Variants in NGEF observed in about 807,000 individuals in gnomAD.
The protein encoded by NGEF is neuronal guanine nucleotide exchange factor, also known as ephexin-1.
A neutral mutation model predicts 80.9 loss-of-function variants in NGEF; 31 were observed. The ratio of observed to expected loss-of-function variants is 0.38; its 90% CI spans 0.29 to 0.52. The LOEUF (loss-of-function observed/expected upper bound fraction) is 0.52, where lower values mean the gene tolerates loss of function less well. Ranked by LOEUF, NGEF falls within the 20% of genes least tolerant of loss-of-function variation. NGEF has a pLI of 0.84. For missense variants in NGEF, 709 were observed against 926.2 expected (o/e 0.77, Z 3.04); for synonymous variants, 371 against 370.2 (o/e 1.00, Z -0.03).
intron 3 of NGEF, among the ~76,000 whole-genome samples, chr2:232,965,711 C>T (rs1694043978): frequency 1.3e-5 from 2 of 152,210 alleles, no homozygotes; most frequent in South Asian, 4.1e-4. Flanking sequence ...AATGTCTCCA[C>T]AGCAGGTGTA....
intron 1 of NGEF, among the ~76,000 whole-genome samples, chr2:233,009,480 G>T (rs955752711): frequency 6.6e-6 from 1 of 151,966 alleles, no homozygotes; most frequent in Non-Finnish European, 1.5e-5. Context: ...ACTGCACCCG[G>T]TTCATATACC....
Position 232,879,597 on chromosome 2 carries a change from C to T in NGEF, c.2025G>A (p.Lys675=), listed in dbSNP as rs1266528684. The change falls in exon 15 of 15, where the codon AAG becomes AAA. Residue 675 remains lysine (K), a synonymous_variant. Transcript: ENST00000264051. Reference sequence around the variant, plus strand: ...ATTCCTTGAGGTTCTGGGACCGGATCTTGGGATTCAAGATCTCCTCAGTCA... The same window carrying T: ...ATTCCTTGAGGTTCTGGGACCGGATTTTGGGATTCAAGATCTCCTCAGTCA... ...SSMTEEILNP[K]IRSQNLKECF... The T allele has an allele frequency of 6.2e-7, 1 of 1,613,712 alleles. No individual in the cohort carries two copies. The highest frequency in any genetic ancestry group is 1.7e-5 in the Admixed American group (1 of 60,008).
chr2:232,961,003 C>T (rs917389492), intron 3 of NGEF, among the ~76,000 whole-genome samples: 1 of 152,152 alleles, frequency 6.6e-6, no homozygotes, highest in Non-Finnish European at 1.5e-5. Flanking sequence ...AATGATTGTG[C>T]TTTCCTCCTG....
chr2:232,992,531 C>T (rs1240898019), intron 1 of NGEF, among the ~76,000 whole-genome samples: 1 of 151,708 alleles, frequency 6.6e-6, no homozygotes, highest in East Asian at 1.9e-4. Flanking sequence ...GCACTCCAGC[C>T]TGGATGAGAC....
chr2:232,943,394 C>T (rs977095034), intron 3 of NGEF, among the ~76,000 whole-genome samples: 1 of 152,056 alleles, frequency 6.6e-6, no homozygotes, highest in Admixed American at 6.6e-5. Context: ...TTGAAAACTC[C>T]TGAGAATATA....
At chr2:232,886,393 G>A (rs1691695175) in intron 9 of NGEF, among the ~76,000 whole-genome samples, 1 of 151,700 alleles carries the variant, frequency 6.6e-6, no homozygotes, top group Admixed American at 6.6e-5. Flanking sequence ...GATATGTATG[G>A]GCGTGTATGT....
chr2:232,969,025 A>T (rs978171138), intron 3 of NGEF, among the ~76,000 whole-genome samples: 3 of 152,198 alleles, frequency 2.0e-5, no homozygotes, highest in Non-Finnish European at 4.4e-5. Flanking sequence ...CTTCTTTCAC[A>T]CAACGGCCAA....
chr2:232,911,541 G>A (rs987335831), intron 5 of NGEF, among the ~76,000 whole-genome samples: 20 of 152,304 alleles, frequency 1.3e-4, no homozygotes, highest in African/African-American at 4.6e-4. Context: ...TATGACCACA[G>A]AAAATGCTGG....
At chr2:232,912,148 A>T (rs1692702810) in intron 5 of NGEF, among the ~76,000 whole-genome samples, 2 of 152,192 alleles carry the variant, frequency 1.3e-5, no homozygotes, top group South Asian at 4.1e-4. Context: ...GGTTTTTGGT[A>T]GATGTGCCTT....
chr2:232,956,091 A>T (rs1378370966), intron 3 of NGEF, among the ~76,000 whole-genome samples: 1 of 152,124 alleles, frequency 6.6e-6, no homozygotes, highest in Non-Finnish European at 1.5e-5. Context: ...CTGGTTTCAG[A>T]CGCCGCTCCT....
chr2:232,990,400 T>C (rs78488584), intron 1 of NGEF, among the ~76,000 whole-genome samples: 9 of 152,228 alleles, frequency 5.9e-5, no homozygotes, highest in Non-Finnish European at 1.2e-4. Context: ...GAGTTTTTCT[T>C]GGATGGGAAA....
intron 1 of NGEF, among the ~76,000 whole-genome samples, chr2:233,001,751 C>A (rs181976438): frequency 6.6e-6 from 1 of 152,164 alleles, no homozygotes; most frequent in Admixed American, 6.5e-5. Flanking sequence ...TGGTGGCGTG[C>A]GCCTGTAATC....
intron 12 of NGEF, among the ~76,000 whole-genome samples, chr2:232,882,776 C>A (rs1417636743): frequency 6.6e-6 from 1 of 152,178 alleles, no homozygotes; most frequent in Non-Finnish European, 1.5e-5. Context: ...TCCACGAGTG[C>A]ACTGCAATCT....
intron 3 of NGEF, among the ~76,000 whole-genome samples, chr2:232,958,207 C>G (rs1445882165): frequency 2.6e-5 from 4 of 152,074 alleles, no homozygotes; most frequent in African/African-American, 9.7e-5. Context: ...TACTTGGTCT[C>G]CTATATTACT....
intron 1 of NGEF, among the ~76,000 whole-genome samples, chr2:232,998,309 G>T (rs1694897961): frequency 6.6e-6 from 1 of 152,162 alleles, no homozygotes; most frequent in South Asian, 2.1e-4. Context: ...CTGGTAAGTG[G>T]CTGAGGTGGG....
chr2:232,984,547 C>T (rs1384030311), intron 1 of NGEF, among the ~76,000 whole-genome samples: 2 of 152,000 alleles, frequency 1.3e-5, no homozygotes, highest in African/African-American at 2.4e-5. Context: ...AGGGGCAGAG[C>T]CAGAGGGGAA....
At chr2:232,966,646 C>T (rs1281413949) in intron 3 of NGEF, among the ~76,000 whole-genome samples, 4 of 152,170 alleles carry the variant, frequency 2.6e-5, no homozygotes, top group Non-Finnish European at 5.9e-5. Context: ...TAGCCAGCCC[C>T]GTCACTCCCC....
At chr2:232,900,049 C>CAT (rs1692257212) in intron 5 of NGEF, among the ~76,000 whole-genome samples, 1 of 146,492 alleles carries the variant, frequency 6.8e-6, no homozygotes, top group Non-Finnish European at 1.5e-5. Flanking sequence ...CACACACACA[C>CAT]GCTCTCACAG....
chr2:232,967,464 A>G (rs1694085209), intron 3 of NGEF, among the ~76,000 whole-genome samples: 2 of 151,764 alleles, frequency 1.3e-5, no homozygotes, highest in South Asian at 2.1e-4. Context: ...CCTCCCAAGT[A>G]GCTGGGATTA....
Sources: allele counts gnomAD v4.1 joint callset (sites outside exome capture counted in the v4.1 genomes callset), GRCh38; gene constraint gnomAD v4.1.1; transcripts MANE v1.5; gene names NCBI Gene and HGNC (gene_info 2026-07-23, HGNC 2026-07-21).